RAPGEF3: variants seen among roughly 807,000 people sequenced by gnomAD.
RAPGEF3 encodes 9330170P05Rik.
Under a neutral mutation model 129.8 loss-of-function variants are expected in RAPGEF3, and 103 were observed. The observed-to-expected ratio is 0.79, with a 90% CI of 0.68 to 0.93. The LOEUF is 0.93. RAPGEF3 is among the 40% of genes least tolerant of loss of function. The probability of loss-of-function intolerance (pLI) is 0.00; values close to 1 mark genes in which losing one functional copy is unlikely to be tolerated. For missense variants in RAPGEF3, 1,117 were observed against 1,207.4 expected (o/e 0.93, Z 1.11); for synonymous variants, 436 against 482.6 (o/e 0.90, Z 1.26).
At chr12:47,744,126 G>A in intron 16 of RAPGEF3, 58 bp from the exon 17 acceptor site, 1 of 1,423,762 alleles carries the variant, frequency 7.0e-7, no homozygotes, top group Non-Finnish European at 9.7e-7. Flanking sequence ...AGACCGTGGA[G>A]GGAGGGATTG....
intron 15 of RAPGEF3, 49 bp downstream of exon 15, chr12:47,747,495 T>A (rs1941486840): frequency 6.3e-7 from 1 of 1,584,904 alleles, no homozygotes; most frequent in Non-Finnish European, 8.7e-7. Context: ...TTGGTCCCCA[T>A]GGCACTGCCA....
Position 47,740,106 on chromosome 12 carries a change from T to G in RAPGEF3, c.2373+35A>C, listed in dbSNP as rs752528284. ...GGGCAGGGCCGAGCCCAGCTGATCC[T>G]AGCAGAGCCAGGCCGGGCAGGGTGG... On this transcript the variant is annotated intron_variant, in intron 23 of 27. Coordinates refer to ENST00000449771, the MANE Select transcript of RAPGEF3 (RefSeq NM_001098531.4). 3 of 1,603,466 alleles carry G rather than the reference T, an allele frequency of 1.9e-6. No homozygotes were observed. The South Asian group carries it at 3.3e-5, about 18-fold the overall frequency.
intron 16 of RAPGEF3, chr12:47,745,112 T>G (rs1941358426): frequency 6.6e-6 from 1 of 152,598 alleles, no homozygotes; most frequent in Non-Finnish European, 1.5e-5. Flanking sequence ...TTGAAGTGGG[T>G]CTTCTGTGCC....
At position 47,737,192 on chromosome 12, in the gene RAPGEF3, T is replaced by C. The variant is rs964593556; in HGVS notation, c.*375A>G. The C allele has an allele frequency of 3.4e-5, 9 of 264,472 alleles. No individual in the cohort carries two copies. The highest frequency in any genetic ancestry group is 1.8e-4 in the African/African-American group (8 of 44,080). 16.4% of individuals were successfully genotyped at this position (264,472 alleles called of 1,614,324 possible). ...AGCCTCTCTCTCTCTCTCTGTCCAC[T>C]GTGAAAATAAACTGCAGGCCTGGCT... On this transcript the variant is annotated 3_prime_UTR_variant, in exon 28 of 28. Transcript: ENST00000449771.
chr12:47,741,688 G>A (rs1304255417), intron 18 of RAPGEF3, 86 bp from the exon 19 acceptor site: 2 of 1,126,884 alleles, frequency 1.8e-6, no homozygotes, highest in Non-Finnish European at 2.7e-6. Context: ...TGCTGTTTGG[G>A]AGGCTGAGAG....
At position 47,749,560 on chromosome 12, in the gene RAPGEF3, C is replaced by CCCGCCCCTG. The variant is rs768458785; in HGVS notation, c.895-33_895-25dup. On this transcript the variant is annotated intron_variant, in intron 9 of 27. Coordinates refer to ENST00000449771, the MANE Select transcript of RAPGEF3 (RefSeq NM_001098531.4). This position sits in a 1 kb window ranked among gnomAD's most constrained non-coding sequence, Gnocchi z 4.5. The stretch of plus-strand genomic sequence containing the variant: ...CCCTGCAGCCAGGCCTCAGTCTCAG[C>CCCGCCCCTG]CCGCCCCTGCCGCCCCTGCCGCCCC... 6 of 1,584,670 alleles carry CCCGCCCCTG rather than the reference C, an allele frequency of 3.8e-6. No homozygotes were observed. The highest frequency in any genetic ancestry group is 1.3e-5 in the African/African-American group (1 of 74,146).
intron 21 of RAPGEF3, 100 bp downstream of exon 21, chr12:47,740,542 A>G: frequency 6.6e-7 from 1 of 1,507,556 alleles, no homozygotes. Context: ...GGGAACAAAT[A>G]GGGTGGCAGA....
chr12:47,749,664 A>G lies in RAPGEF3; in HGVS notation c.894+77T>C. ...GGGGTCAGCAGCAGTAGATCAACAAAGGCACTGCCCATGAGGACATGGACC... is the reference window on the plus strand; with the variant it reads ...GGGGTCAGCAGCAGTAGATCAACAAGGGCACTGCCCATGAGGACATGGACC... On this transcript the variant is annotated intron_variant, in intron 9 of 27. Transcript: ENST00000449771. This position sits in a 1 kb window ranked among gnomAD's most constrained non-coding sequence, Gnocchi z 4.5. The G allele has an allele frequency of 6.3e-7, 1 of 1,597,398 alleles. No homozygotes were observed. The highest frequency in any genetic ancestry group is 1.7e-5 in the Admixed American group (1 of 57,584).
At chr12:47,755,305 T>C (rs1941989046) in intron 2 of RAPGEF3, among the ~76,000 whole-genome samples, 1 of 152,218 alleles carries the variant, frequency 6.6e-6, no homozygotes, top group Admixed American at 6.5e-5. Flanking sequence ...CACAGGGCTG[T>C]TGTGAGAATT....
chr12:47,756,425 G>C (rs531222629), intron 2 of RAPGEF3: 8 of 152,434 alleles, frequency 5.2e-5, no homozygotes, highest in African/African-American at 1.9e-4. Context: ...GACCCGGAGA[G>C]CGGAGAGCCG....
Position 47,758,651 on chromosome 12 carries a change from G to A in RAPGEF3, c.-95C>T, listed in dbSNP as rs796404004. The A allele has an allele frequency of 5.7e-6, 9 of 1,585,286 alleles. No individual in the cohort carries two copies. The African/African-American group carries it at 1.1e-4, about 19-fold the overall frequency. The stretch of plus-strand genomic sequence containing the variant: ...CAGCTTTGATAAGGGGATCCGGAGG[G>A]TGCCAGTGGGTAAGTCCAGGTACAG... On this transcript the variant is annotated 5_prime_UTR_variant, in exon 1 of 28. Transcript: ENST00000449771.
In RAPGEF3 at chr12:47,757,858, G is replaced by A; in HGVS notation, c.219+8C>T. ...GCCCTGGCACCTGGGCAGGTGAAAG[G>A]TACTCACCCAGCGCAGCCCCTGGAT... On this transcript the variant is annotated splice_region_variant and intron_variant, in intron 2 of 27. Transcript: ENST00000449771. 1.3e-6 allele frequency: 2 copies of A among 1,551,118 alleles called. No homozygotes were observed. The highest frequency in any genetic ancestry group is 1.7e-6 in the Non-Finnish European group (2 of 1,147,660).
At chr12:47,740,877 C>T (rs568352543) in intron 20 of RAPGEF3, 38 bp downstream of exon 20, 21 of 1,613,628 alleles carry the variant, frequency 1.3e-5, no homozygotes, top group African/African-American at 1.2e-4. Flanking sequence ...CCGGGCGCCC[C>T]GCCGCCTGCT....
intron 1 of RAPGEF3, 41 bp downstream of exon 1, chr12:47,758,510 C>G: frequency 1.9e-6 from 3 of 1,608,780 alleles, no homozygotes; most frequent in Non-Finnish European, 2.5e-6. Flanking sequence ...CCTCTCCCGC[C>G]CTCTCCTGCT....
chr12:47,740,944 C>A lies in RAPGEF3; in HGVS notation c.2020G>T (p.Asp674Tyr). Residue 674 changes from aspartate (D) to tyrosine (Y), a missense_variant, in exon 20 of 28, where the codon GAC (aspartate) becomes TAC (tyrosine). Transcript: ENST00000449771. Reference sequence around the variant, plus strand: ...TGGATACTGTTGAAGAGGCTCCAGTCGTGGTCCGTCAGCTGGCCTGCCAGG... The same window carrying A: ...TGGATACTGTTGAAGAGGCTCCAGTAGTGGTCCGTCAGCTGGCCTGCCAGG... ...KDLAGQLTDH[D>Y]WSLFNSIHQV... 6.2e-7 allele frequency: 1 copy of A among 1,613,950 alleles called. No homozygotes were observed. The highest frequency in any genetic ancestry group is 1.1e-5 in the South Asian group (1 of 91,062).
chr12:47,754,393 C>T (rs977111071), intron 2 of RAPGEF3, among the ~76,000 whole-genome samples: 8 of 152,226 alleles, frequency 5.3e-5, no homozygotes, highest in African/African-American at 1.9e-4. Context: ...TGTTTGTGTG[C>T]CTGCCAACCT....
chr12:47,743,245 A>G (rs1214625550), intron 18 of RAPGEF3, among the ~76,000 whole-genome samples: 1 of 152,248 alleles, frequency 6.6e-6, no homozygotes, highest in Non-Finnish European at 1.5e-5. Context: ...TTTATGGATG[A>G]TAAAACTGAG....
rs757859331 is a variant in RAPGEF3, at chr12:47,751,082, GC to G, written c.636del (p.Pro213LeufsTer41). On this transcript the variant is annotated frameshift_variant, in exon 6 of 28. Transcript: ENST00000449771. LOFTEE classifies it high-confidence loss of function. The stretch of plus-strand genomic sequence containing the variant: ...AGTGCCACAGTGAGCAGGGCGTCAG[GC>G]CCCCGCTGGGAGAGCAGGGCCACAG... ...AEAVALLSQR[G>X]PDALLTVALR... is the part of the protein sequence containing the mutation. The G allele has an allele frequency of 1.9e-6, 3 of 1,594,436 alleles. No individual in the cohort carries two copies. The highest frequency in any genetic ancestry group is 2.6e-6 in the Non-Finnish European group (3 of 1,171,538).
At position 47,757,975 on chromosome 12, in the gene RAPGEF3, T is replaced by G; in HGVS notation, c.110A>C (p.Glu37Ala). The part of the protein sequence containing the change: ...RVGALPDVVP[E>A]GTLLNMVLRR... ...CAACACCATGTTGAGTAGTGTCCCCTCCGGCACCACGTCAGGGAGGGCTCC... is the reference window on the plus strand; with the variant it reads ...CAACACCATGTTGAGTAGTGTCCCCGCCGGCACCACGTCAGGGAGGGCTCC... Residue 37 changes from glutamate (E) to alanine (A), a missense_variant, in exon 2 of 28, where the codon GAG (glutamate) becomes GCG (alanine). By Grantham distance (107) the Glu-to-Ala change is moderately radical. Coordinates refer to ENST00000449771, the MANE Select transcript of RAPGEF3 (RefSeq NM_001098531.4). The G allele has an allele frequency of 6.4e-7, 1 of 1,565,964 alleles. No individual in the cohort carries two copies. The highest frequency in any genetic ancestry group is 8.7e-7 in the Non-Finnish European group (1 of 1,154,848).
Sources: gnomAD v4.1 joint callset for allele counts (sites outside exome capture counted in the v4.1 genomes callset) on GRCh38, gnomAD v4.1.1 for gene constraint, Gnocchi (gnomAD v3.1) non-coding constraint, MANE v1.5 for transcripts, NCBI Gene and HGNC (gene_info 2026-07-23, HGNC 2026-07-21) for gene names.